The following ARHGAP10 variants were observed in gnomAD, a reference collection of about 807,000 sequenced individuals.
ARHGAP10 encodes the protein rho GTPase-activating protein 10.
A neutral mutation model predicts 108.6 loss-of-function variants in ARHGAP10; 87 were observed. The ratio of observed to expected loss-of-function variants is 0.80; its 90% confidence interval spans 0.67 to 0.96. ARHGAP10 has a LOEUF of 0.96. ARHGAP10 is among the 40% of genes least tolerant of loss of function. The pLI is 0.00. For missense variants in ARHGAP10, 939 were observed against 954.5 expected, an observed-to-expected ratio of 0.98 and a Z score of 0.21; for synonymous variants, 347 against 341.1, an observed-to-expected ratio of 1.02 and a Z score of -0.19.
intron 10 of ARHGAP10, among the ~76,000 whole-genome samples, chr4:147,894,406 T>C (rs1159479317): frequency 1.3e-5 from 2 of 152,224 alleles, no homozygotes; most frequent in African/African-American, 4.8e-5. Flanking sequence ...AAAATTGTGT[T>C]GTTGATCTTT....
chr4:148,064,274 C>T, intron 21 of ARHGAP10, 142 bp from the exon 22 acceptor site: 1 of 628,048 alleles, frequency 1.6e-6, no homozygotes. Flanking sequence ...GCCTGATGTT[C>T]ACTTCCACGT....
intron 18 of ARHGAP10, among the ~76,000 whole-genome samples, chr4:148,017,300 G>T (rs975963137): frequency 2.6e-5 from 4 of 152,050 alleles, no homozygotes; most frequent in Non-Finnish European, 4.4e-5. Context: ...GAAGGTCAGA[G>T]AATTTATTTT....
intron 6 of ARHGAP10, 46 bp downstream of exon 6, chr4:147,865,002 A>T: frequency 6.7e-7 from 1 of 1,487,510 alleles, no homozygotes; most frequent in South Asian, 1.2e-5. Context: ...GCAATGTAAG[A>T]TAAGTATTTA....
intron 18 of ARHGAP10, among the ~76,000 whole-genome samples, chr4:147,977,409 A>G (rs1006883693): frequency 6.6e-6 from 1 of 152,006 alleles, no homozygotes; most frequent in Admixed American, 6.6e-5. Context: ...CTCACTATGT[A>G]TTTTTTCTTT....
At chr4:147,898,226 T>C (rs1736079102) in intron 10 of ARHGAP10, among the ~76,000 whole-genome samples, 1 of 152,190 alleles carries the variant, frequency 6.6e-6, no homozygotes. Flanking sequence ...GAAGATTTCT[T>C]TCCTATTTTG....
At position 147,810,165 on chromosome 4, in the gene ARHGAP10, A is replaced by G. The variant is rs1419821628; in HGVS notation, c.155-12562A>G. Among the ~76,000 whole-genome samples the G allele has an allele frequency of 3.3e-5, 5 of 152,224 alleles. No homozygotes were observed. In the East Asian group the frequency reaches 9.6e-4, roughly 29 times the overall value. On this transcript the variant is annotated intron_variant, in intron 1 of 22. Transcript: ENST00000336498. The stretch of plus-strand genomic sequence containing the variant: ...CAAGATTCTCCCTTTTTTCTTCCCT[A>G]CCATTACAGGCGAGAGATCATTTAC...
chr4:147,746,942 C>T (rs1728949783), intron 1 of ARHGAP10, among the ~76,000 whole-genome samples: 1 of 152,158 alleles, frequency 6.6e-6, no homozygotes. Flanking sequence ...ATTAATACTA[C>T]ATGACTTGTA....
intron 1 of ARHGAP10, among the ~76,000 whole-genome samples, chr4:147,819,130 A>G (rs1176703779): frequency 1.3e-5 from 2 of 152,246 alleles, no homozygotes; most frequent in East Asian, 1.9e-4. Context: ...TAGGCATGAA[A>G]TGCTGAAAAA....
chr4:148,063,282 C>A lies in ARHGAP10; in HGVS notation c.2162C>A (p.Ala721Glu). The A allele has an allele frequency of 6.2e-7, 1 of 1,614,124 alleles. No homozygotes were observed. The change falls in exon 21 of 23, where the codon GCG (alanine) becomes GAG (glutamate). Residue 721 changes from alanine (A) to glutamate (E), a missense_variant. Coordinates refer to ENST00000336498, the MANE Select transcript of ARHGAP10 (RefSeq NM_024605.4). ...CCCTTTTCTCCTCCTGCTACTGTAG[C>A]GGACAAGCCACCTGAAAGGTACGTG... is the stretch of plus-strand genomic sequence containing the variant. ...PFPFSPPATV[A>E]DKPPESIRSR... is the part of the protein sequence containing the mutation.
intron 18 of ARHGAP10, among the ~76,000 whole-genome samples, chr4:147,977,522 C>T (rs1001717069): frequency 2.0e-5 from 3 of 152,090 alleles, no homozygotes; most frequent in African/African-American, 7.2e-5. Context: ...TGATTGTGTG[C>T]CAGGCACTAG....
At chr4:147,736,209 G>C (rs1364185175) in intron 1 of ARHGAP10, among the ~76,000 whole-genome samples, 1 of 151,810 alleles carries the variant, frequency 6.6e-6, no homozygotes, top group Admixed American at 6.6e-5. Context: ...GCATGGAAAA[G>C]GATGTAAAGG....
chr4:147,999,389 C>T lies in ARHGAP10; in HGVS notation c.1717-23874C>T, dbSNP rs189748142. 1.7e-3 allele frequency among the ~76,000 whole-genome samples: 263 copies of T among 152,332 alleles called. 1 individual carries two copies. The highest frequency in any genetic ancestry group is 6.1e-3 in the African/African-American group (252 of 41,584). On this transcript the variant is annotated intron_variant, in intron 18 of 22. Coordinates refer to ENST00000336498, the MANE Select transcript of ARHGAP10 (RefSeq NM_024605.4). ...CTATTAAATCTTGCAACTACACACT[C>T]TTCTGGTCCGTGTTTGTTACAGCTG...
At chr4:147,923,669 T>G (rs1377075599) in intron 13 of ARHGAP10, among the ~76,000 whole-genome samples, 1 of 152,238 alleles carries the variant, frequency 6.6e-6, no homozygotes, top group Non-Finnish European at 1.5e-5. Flanking sequence ...ATCTTTCATT[T>G]GTTGCATGTA....
chr4:148,071,757 C>G (rs933635773), intron 22 of ARHGAP10, among the ~76,000 whole-genome samples: 3 of 152,172 alleles, frequency 2.0e-5, no homozygotes, highest in African/African-American at 7.2e-5. Context: ...GGGCCGGACT[C>G]TGGAAACTAG....
intron 8 of ARHGAP10, among the ~76,000 whole-genome samples, chr4:147,876,486 G>A (rs10001688): frequency 0.097 from 14,774 of 151,916 alleles, 791 homozygotes; most frequent in East Asian, 0.26. Context: ...CCAGCTACTC[G>A]GGAGGCTGAG....
chr4:147,865,196 A>G, intron 6 of ARHGAP10: 1 of 364,630 alleles, frequency 2.7e-6, no homozygotes, highest in Non-Finnish European at 5.0e-6. Flanking sequence ...CATGATCTCA[A>G]GGAAGGCAAC....
At chr4:147,978,369 A>G (rs1739680846) in intron 18 of ARHGAP10, among the ~76,000 whole-genome samples, 1 of 151,952 alleles carries the variant, frequency 6.6e-6, no homozygotes, top group South Asian at 2.1e-4. Flanking sequence ...CGCCATTCTG[A>G]CTGGTGTGAG....
chr4:148,047,183 G>A (rs1728926762), intron 20 of ARHGAP10, 132 bp downstream of exon 20: 1 of 1,117,960 alleles, frequency 8.9e-7, no homozygotes, highest in Admixed American at 2.9e-5. Flanking sequence ...CTTATCAGAA[G>A]GGCCACCAAA....
intron 13 of ARHGAP10, among the ~76,000 whole-genome samples, chr4:147,935,539 A>T (rs944110577): frequency 1.3e-5 from 2 of 152,234 alleles, no homozygotes; most frequent in African/African-American, 4.8e-5. Flanking sequence ...AATTTCTAAT[A>T]CTTGTTGATC....
Sources: gnomAD v4.1 joint callset for allele counts (sites outside exome capture counted in the v4.1 genomes callset) on GRCh38, gnomAD v4.1.1 for gene constraint, MANE v1.5 for transcripts, NCBI Gene and HGNC (gene_info 2026-07-23, HGNC 2026-07-21) for gene names.